Variants in ARHGAP42 observed in about 807,000 individuals in gnomAD.
The protein encoded by ARHGAP42 is rho GTPase-activating protein 42.
A neutral mutation model predicts 125.0 loss-of-function variants in ARHGAP42; 63 were observed. The observed-to-expected ratio is 0.50, with a 90% CI of 0.41 to 0.62. The LOEUF (loss-of-function observed/expected upper bound fraction) is 0.62, where lower values mean the gene tolerates loss of function less well. Among genes scored for constraint, ARHGAP42 ranks in the 20% least tolerant of loss-of-function variants. The pLI, the probability that ARHGAP42 is intolerant of heterozygous loss-of-function variation, is 0.00. For synonymous variants in ARHGAP42, 339 were observed against 351.0 expected, an observed-to-expected ratio of 0.97 and a Z score of 0.38; for missense variants, 766 against 1,024.2, an observed-to-expected ratio of 0.75 and a Z score of 3.44.
chr11:100,906,495 T>G (rs1866740990), intron 4 of ARHGAP42, among the ~76,000 whole-genome samples: 1 of 152,214 alleles, frequency 6.6e-6, no homozygotes, highest in African/African-American at 2.4e-5. Flanking sequence ...TCCATGTTTT[T>G]TAAACATTTT....
At chr11:100,707,390 A>G (rs1283557739) in intron 1 of ARHGAP42, among the ~76,000 whole-genome samples, 1 of 152,232 alleles carries the variant, frequency 6.6e-6, no homozygotes, top group Non-Finnish European at 1.5e-5. Flanking sequence ...AGAGCCAAGT[A>G]TATATTTAAA....
intron 23 of ARHGAP42, among the ~76,000 whole-genome samples, chr11:100,988,209 G>A (rs1858734771): frequency 6.7e-6 from 1 of 150,130 alleles, no homozygotes; most frequent in African/African-American, 2.4e-5. Flanking sequence ...GTTTGTACAT[G>A]TGTGTGAGAC....
chr11:100,860,438 A>G (rs1865418424), intron 4 of ARHGAP42, among the ~76,000 whole-genome samples: 1 of 152,036 alleles, frequency 6.6e-6, no homozygotes, highest in South Asian at 2.1e-4. Flanking sequence ...CATTCTTCCA[A>G]TGATGAAACC....
At chr11:100,891,809 G>A (rs1001544805) in intron 4 of ARHGAP42, among the ~76,000 whole-genome samples, 4 of 152,104 alleles carry the variant, frequency 2.6e-5, no homozygotes, top group Admixed American at 1.3e-4. Context: ...AGTAAATGCC[G>A]AGTTAGAGGT....
chr11:100,828,088 C>G (rs570129972), intron 3 of ARHGAP42, among the ~76,000 whole-genome samples: 1 of 152,298 alleles, frequency 6.6e-6, no homozygotes, highest in East Asian at 1.9e-4. Context: ...AGTCATGGCT[C>G]TTAACATTCC....
rs115045903 is a variant in ARHGAP42, at chr11:100,976,829, A to G, written c.2251A>G (p.Ser751Gly). ...ISAAEGNKSYSGSIQSLTSVG... is the reference protein window; with the variant it reads ...ISAAEGNKSYGGSIQSLTSVG... ...TTTCTTTTTAGGAAACAAGAGCTAC[A>G]GTGGATCTATTCAAAGCTTAACTTC... The change falls in exon 21 of 24, where the codon AGT (serine) becomes GGT (glycine). Residue 751 changes from serine to glycine, a missense_variant. This residue lies in a region of ARHGAP42 where 308 missense variants were observed against 369.7 expected (regional missense o/e 0.83). Coordinates refer to ENST00000298815, the MANE Select transcript of ARHGAP42 (RefSeq NM_152432.4). 3.2e-6 allele frequency: 5 copies of G among 1,550,588 alleles called. No homozygotes were observed. The highest frequency in any genetic ancestry group is 2.6e-6 in the Non-Finnish European group (3 of 1,146,730).
intron 2 of ARHGAP42, among the ~76,000 whole-genome samples, chr11:100,790,918 G>A (rs185935918): frequency 5.3e-5 from 8 of 152,206 alleles, no homozygotes; most frequent in Admixed American, 2.6e-4. Context: ...AATAAAATAC[G>A]AGGTATTACA....
chr11:100,920,354 A>AT (rs1159367975), intron 5 of ARHGAP42, among the ~76,000 whole-genome samples: 23 of 152,202 alleles, frequency 1.5e-4, no homozygotes, highest in Admixed American at 6.5e-4. Flanking sequence ...AAGTACATGT[A>AT]TAATTTTTTA....
chr11:100,873,719 G>A (rs1322366732), intron 4 of ARHGAP42, among the ~76,000 whole-genome samples: 1 of 152,150 alleles, frequency 6.6e-6, no homozygotes, highest in Non-Finnish European at 1.5e-5. Context: ...AATCCATGAG[G>A]TAGGGCCTAT....
intron 3 of ARHGAP42, among the ~76,000 whole-genome samples, chr11:100,852,454 A>G (rs1206426886): frequency 6.6e-6 from 1 of 152,180 alleles, no homozygotes; most frequent in Non-Finnish European, 1.5e-5. Context: ...CAACCCAAAG[A>G]TACTTAGTAG....
intron 1 of ARHGAP42, among the ~76,000 whole-genome samples, chr11:100,697,252 G>C (rs1010425817): frequency 6.6e-6 from 1 of 151,566 alleles, no homozygotes; most frequent in Non-Finnish European, 1.5e-5. Context: ...GCGCCATCTC[G>C]GCTCACTGCA....
intron 3 of ARHGAP42, among the ~76,000 whole-genome samples, chr11:100,831,942 A>AT (rs1359050584): frequency 6.6e-6 from 1 of 152,208 alleles, no homozygotes; most frequent in Non-Finnish European, 1.5e-5. Flanking sequence ...GGAGGAATTC[A>AT]TTTTTTTCTA....
At chr11:100,803,836 A>T (rs767625452) in intron 3 of ARHGAP42, among the ~76,000 whole-genome samples, 2 of 152,206 alleles carry the variant, frequency 1.3e-5, no homozygotes, top group South Asian at 4.1e-4. Context: ...CTTCAACTTC[A>T]AAATATTTTA....
chr11:100,903,117 GCACACACACACACACACACA>G (rs1555021069), intron 4 of ARHGAP42, among the ~76,000 whole-genome samples: 1 of 131,942 alleles, frequency 7.6e-6, no homozygotes, highest in Non-Finnish European at 1.6e-5. Flanking sequence ...TCCAAGATGC[GCACACACACACACACACACA>G]CACACACACA....
chr11:100,954,504 G>A (rs1004575699), intron 12 of ARHGAP42, among the ~76,000 whole-genome samples: 22 of 152,092 alleles, frequency 1.4e-4, no homozygotes, highest in East Asian at 1.4e-3. Flanking sequence ...AAGTGTACCC[G>A]TGTATCTATT....
intron 1 of ARHGAP42, among the ~76,000 whole-genome samples, chr11:100,725,183 T>G (rs1367266787): frequency 2.6e-5 from 4 of 151,848 alleles, no homozygotes; most frequent in Non-Finnish European, 5.9e-5. Flanking sequence ...TCCTTTTTTT[T>G]TTTTTGGAGA....
At chr11:100,796,809 G>A (rs11224456) in intron 3 of ARHGAP42, among the ~76,000 whole-genome samples, 23,828 of 135,760 alleles carry the variant, frequency 0.18, 2,097 homozygotes, top group Middle Eastern at 0.29. Flanking sequence ...TCACTCTGTC[G>A]TCCAGGCTGG....
rs1321045618 is a variant in ARHGAP42 at position 100,913,080 on chromosome 11, A to G, written c.385-372A>G. On this transcript the variant is annotated intron_variant, in intron 4 of 23. Transcript: ENST00000298815. ...AAAAAGACATTTTTCTCTTGGTCAC[A>G]TCTCAGACCCACTGGATCAGAATCT... Among the ~76,000 whole-genome samples the G allele has an allele frequency of 2.6e-5, 4 of 152,168 alleles. No individual in the cohort carries two copies. The East Asian group carries it at 5.8e-4, about 22-fold the overall frequency.
At chr11:100,861,128 A>G (rs917898464) in intron 4 of ARHGAP42, among the ~76,000 whole-genome samples, 4 of 152,220 alleles carry the variant, frequency 2.6e-5, no homozygotes, top group South Asian at 4.1e-4. Context: ...TGTCTTCTGC[A>G]AGAAGTGTTA....
Sources: gnomAD v4.1 joint callset for allele counts (sites outside exome capture counted in the v4.1 genomes callset) on GRCh38, gnomAD v4.1.1 for gene constraint, gnomAD v4.1.1 regional missense constraint, MANE v1.5 for transcripts, NCBI Gene and HGNC (gene_info 2026-07-23, HGNC 2026-07-21) for gene names.